DIP2C: variants seen among roughly 807,000 people sequenced by gnomAD.
DIP2C encodes DIP2 acetate--CoA ligase C (putative), also known as disco-interacting protein 2 homolog C.
Under a neutral mutation model 192.4 loss-of-function variants are expected in DIP2C, and 33 were observed. The observed-to-expected ratio is 0.17, with a 90% CI of 0.13 to 0.23. The LOEUF (loss-of-function observed/expected upper bound fraction) is 0.23, where lower values mean the gene tolerates loss of function less well. DIP2C is among the 10% of genes least tolerant of loss of function. DIP2C has a pLI of 1.00. For synonymous variants in DIP2C, 979 were observed against 864.1 expected (o/e 1.13, Z -2.33); for missense variants, 1,537 against 2,110.1 (o/e 0.73, Z 5.32).
intron 5 of DIP2C, among the ~76,000 whole-genome samples, chr10:421,602 C>G (rs970594651): frequency 3.9e-5 from 6 of 152,150 alleles, no homozygotes; most frequent in African/African-American, 1.4e-4. Flanking sequence ...TCACATAAAC[C>G]AGTGTACATG....
chr10:349,220 C>T (rs1958668611), intron 25 of DIP2C, 111 bp downstream of exon 25: 1 of 1,451,880 alleles, frequency 6.9e-7, no homozygotes, highest in Non-Finnish European at 9.2e-7. Flanking sequence ...AGTGCAGACT[C>T]CCAGCCATGA....
chr10:354,229 C>T (rs949541187), intron 24 of DIP2C, among the ~76,000 whole-genome samples: 1 of 152,146 alleles, frequency 6.6e-6, no homozygotes, highest in Non-Finnish European at 1.5e-5. Flanking sequence ...CTACATCTGG[C>T]CCCCATCGGA....
At chr10:629,206 G>T (rs1051297877) in intron 1 of DIP2C, among the ~76,000 whole-genome samples, 1 of 152,160 alleles carries the variant, frequency 6.6e-6, no homozygotes. Flanking sequence ...ACAGGGCTAC[G>T]GTAGCTACCT....
chr10:675,425 A>G (rs1830838489), intron 1 of DIP2C, among the ~76,000 whole-genome samples: 1 of 152,156 alleles, frequency 6.6e-6, no homozygotes, highest in South Asian at 2.1e-4. Context: ...GAGAAAAGAA[A>G]TAACAAAGAT....
At chr10:314,219 T>G (rs1956678436) in intron 31 of DIP2C, among the ~76,000 whole-genome samples, 1 of 152,242 alleles carries the variant, frequency 6.6e-6, no homozygotes, top group African/African-American at 2.4e-5. Flanking sequence ...GAAGCCTTAA[T>G]GATGTACTCC....
chr10:452,736 AAAC>A (rs1018330443), intron 3 of DIP2C, among the ~76,000 whole-genome samples: 3 of 152,164 alleles, frequency 2.0e-5, no homozygotes, highest in African/African-American at 7.2e-5. Context: ...CCTGCAGAGA[AAAC>A]ACCACACACC....
Position 476,548 on chromosome 10 carries a change from C to T in DIP2C, c.158-3999G>A, listed in dbSNP as rs12762333. Among the ~76,000 whole-genome samples the T allele has an allele frequency of 5.3e-3, 805 of 152,326 alleles. 1 individual carries two copies. The highest frequency in any genetic ancestry group is 6.9e-3 in the Non-Finnish European group (468 of 68,028). On this transcript the variant is annotated intron_variant, in intron 2 of 36. Coordinates refer to ENST00000280886, the MANE Select transcript of DIP2C (RefSeq NM_014974.3). Reference sequence around the variant, plus strand: ...CTGCTGTTTTCTTGACAAGGAAATGCAGGTGCAGAAGTGATCCATGAGTGC... The same window carrying T: ...CTGCTGTTTTCTTGACAAGGAAATGTAGGTGCAGAAGTGATCCATGAGTGC...
chr10:422,754 A>G, intron 5 of DIP2C, 70 bp downstream of exon 5: 1 of 1,525,260 alleles, frequency 6.6e-7, no homozygotes, highest in South Asian at 1.2e-5. Context: ...GCAACGATGC[A>G]AACAGAGAAT....
chr10:604,724 CAT>C lies in DIP2C; in HGVS notation c.85+84768_85+84769del, dbSNP rs371895521. On this transcript the variant is annotated intron_variant, in intron 1 of 36. Transcript: ENST00000280886. ...AAAGACATTTGTCAATCTATTGTCC[CAT>C]ATAAACTAAATGGGTATATTAAAGA... 6.6e-4 allele frequency among the ~76,000 whole-genome samples: 100 copies of C among 152,294 alleles called. 2 individuals carry two copies. Among genetic ancestry groups the C allele is most frequent in the African/African-American group, 2.3e-3 (97 of 41,560 alleles).
intron 3 of DIP2C, among the ~76,000 whole-genome samples, chr10:449,339 T>C (rs1224691918): frequency 6.6e-6 from 1 of 152,110 alleles, no homozygotes; most frequent in Non-Finnish European, 1.5e-5. Flanking sequence ...GCAAACAAAA[T>C]TAACGATCAA....
At chr10:480,756 C>A (rs1427684398) in intron 2 of DIP2C, among the ~76,000 whole-genome samples, 3 of 152,240 alleles carry the variant, frequency 2.0e-5, no homozygotes, top group Non-Finnish European at 4.4e-5. Context: ...CGGGATCAAA[C>A]TGACAGCTCC....
At chr10:287,596 A>G (rs549553417) in intron 33 of DIP2C, among the ~76,000 whole-genome samples, 1 of 151,480 alleles carries the variant, frequency 6.6e-6, no homozygotes, top group African/African-American at 2.4e-5. Context: ...AGGCAACTTT[A>G]TAATAGAAGC....
chr10:280,362 CTG>C (rs1040551282), intron 36 of DIP2C, among the ~76,000 whole-genome samples: 2 of 152,200 alleles, frequency 1.3e-5, no homozygotes, highest in African/African-American at 4.8e-5. Flanking sequence ...TGACCTGAGA[CTG>C]AGACCAGTTT....
chr10:337,787 C>G (rs1317078323), intron 29 of DIP2C, among the ~76,000 whole-genome samples: 1 of 126,240 alleles, frequency 7.9e-6, no homozygotes, highest in Admixed American at 8.3e-5. Context: ...GCCTAGGCAG[C>G]TGTGTGTGTG....
Position 609,577 on chromosome 10 carries a change from C to T in DIP2C, c.85+79917G>A, listed in dbSNP as rs140570125. Among the ~76,000 whole-genome samples, 200 of 152,302 alleles carry T rather than the reference C, an allele frequency of 1.3e-3. 1 individual carries two copies. The highest frequency in any genetic ancestry group is 2.2e-3 in the Non-Finnish European group (152 of 68,026). On this transcript the variant is annotated intron_variant, in intron 1 of 36. Transcript: ENST00000280886. ...TGTAAGTCATCTCCTTTATCTTTGACATGAAGGGCTAATTTCCCCCCAAAA... is the reference window on the plus strand; with the variant it reads ...TGTAAGTCATCTCCTTTATCTTTGATATGAAGGGCTAATTTCCCCCCAAAA...
chr10:400,894 G>A (rs1414907467), intron 9 of DIP2C, among the ~76,000 whole-genome samples: 9 of 151,116 alleles, frequency 6.0e-5, no homozygotes, highest in Admixed American at 1.3e-4. Context: ...TCTTCCTTAT[G>A]GACAAGTTTG....
At chr10:393,503 C>A (rs376071688) in intron 10 of DIP2C, among the ~76,000 whole-genome samples, 1 of 152,162 alleles carries the variant, frequency 6.6e-6, no homozygotes, top group Non-Finnish European at 1.5e-5. Flanking sequence ...GGAAGCCAGG[C>A]GCGATGGCTC....
chr10:575,875 T>C (rs1418121771), intron 1 of DIP2C, among the ~76,000 whole-genome samples: 5 of 152,146 alleles, frequency 3.3e-5, no homozygotes, highest in Non-Finnish European at 7.3e-5. Flanking sequence ...TGAGAAACAA[T>C]CTGGTCTTAC....
chr10:352,499 G>A (rs1340687952), intron 24 of DIP2C, among the ~76,000 whole-genome samples: 1 of 152,210 alleles, frequency 6.6e-6, no homozygotes, highest in Non-Finnish European at 1.5e-5. Context: ...AGCTCACAGG[G>A]TGATTTAAAT....
Sources: gnomAD v4.1 joint callset for allele counts (sites outside exome capture counted in the v4.1 genomes callset) on GRCh38, gnomAD v4.1.1 for gene constraint, MANE v1.5 for transcripts, NCBI Gene and HGNC (gene_info 2026-07-23, HGNC 2026-07-21) for gene names.